Variants in OSBPL8 observed in about 807,000 individuals in gnomAD.
The protein encoded by OSBPL8 is oxysterol binding protein like 8, also known as oxysterol-binding protein-related protein 8.
In OSBPL8, 59 loss-of-function variants were observed where a neutral mutation model predicts 125.5. That is an observed-to-expected ratio of 0.47 (90% CI 0.38 to 0.58). OSBPL8 has a LOEUF of 0.58. OSBPL8 is among the 20% of genes least tolerant of loss of function. The pLI, the probability that OSBPL8 is intolerant of heterozygous loss-of-function variation, is 0.00. For missense variants in OSBPL8, 758 were observed against 1,047.8 expected (o/e 0.72, Z 3.82); for synonymous variants, 330 against 338.9 (o/e 0.97, Z 0.29).
At chr12:76,361,693 A>C (rs1318410193) in intron 21 of OSBPL8, among the ~76,000 whole-genome samples, 1 of 152,196 alleles carries the variant, frequency 6.6e-6, no homozygotes, top group Non-Finnish European at 1.5e-5. Context: ...CCTTTCTTAC[A>C]TGGCAGCAGC....
intron 15 of OSBPL8, among the ~76,000 whole-genome samples, chr12:76,379,325 T>C (rs1348931587): frequency 6.6e-6 from 1 of 152,226 alleles, no homozygotes; most frequent in Non-Finnish European, 1.5e-5. Flanking sequence ...AATACTATGG[T>C]AATTTCTTCT....
intron 21 of OSBPL8, among the ~76,000 whole-genome samples, chr12:76,364,200 C>T (rs976655693): frequency 2.6e-5 from 4 of 152,132 alleles, no homozygotes; most frequent in South Asian, 4.1e-4. Context: ...CACATGCACA[C>T]GTATGTTTAT....
intron 6 of OSBPL8, among the ~76,000 whole-genome samples, chr12:76,400,377 C>G (rs940784819): frequency 5.3e-5 from 8 of 152,156 alleles, no homozygotes; most frequent in Non-Finnish European, 1.2e-4. Flanking sequence ...TGGTGTACCA[C>G]GTTTTCTTTA....
intron 2 of OSBPL8, among the ~76,000 whole-genome samples, chr12:76,466,373 T>C (rs1875442133): frequency 6.6e-6 from 1 of 152,216 alleles, no homozygotes; most frequent in African/African-American, 2.4e-5. Flanking sequence ...GGGAAGTACA[T>C]TTTAAGAATC....
chr12:76,535,876 A>G (rs1260720422), intron 1 of OSBPL8, among the ~76,000 whole-genome samples: 1 of 152,166 alleles, frequency 6.6e-6, no homozygotes, highest in African/African-American at 2.4e-5. Flanking sequence ...ATAGAGTAGG[A>G]AAGGGAAAGA....
At chr12:76,358,617 C>T (rs1235640422) in intron 22 of OSBPL8, 89 bp downstream of exon 22, 5 of 1,153,168 alleles carry the variant, frequency 4.3e-6, no homozygotes, top group Non-Finnish European at 6.4e-6. Context: ...ACTCACATAA[C>T]TTGAGTTAAT....
At chr12:76,416,398 A>G (rs1868671638) in intron 4 of OSBPL8, among the ~76,000 whole-genome samples, 1 of 152,080 alleles carries the variant, frequency 6.6e-6, no homozygotes, top group African/African-American at 2.4e-5. Flanking sequence ...TGTTGGGTAT[A>G]AAGTTCTATA....
intron 1 of OSBPL8, among the ~76,000 whole-genome samples, chr12:76,557,032 C>T (rs1295304926): frequency 6.6e-6 from 1 of 152,190 alleles, no homozygotes. Context: ...AAGATTAAGG[C>T]AGGACCTATG....
At chr12:76,513,130 T>C (rs1241534808) in intron 1 of OSBPL8, among the ~76,000 whole-genome samples, 1 of 152,258 alleles carries the variant, frequency 6.6e-6, no homozygotes, top group African/African-American at 2.4e-5. Context: ...AGTCTTGACT[T>C]CTATTTATAT....
intron 9 of OSBPL8, 61 bp downstream of exon 9, chr12:76,394,584 G>A (rs1036720796): frequency 5.4e-6 from 6 of 1,116,460 alleles, no homozygotes; most frequent in Non-Finnish European, 6.7e-6. Context: ...AATACAAAGT[G>A]GCATTAAAAA....
intron 22 of OSBPL8, 52 bp downstream of exon 22, chr12:76,358,654 G>T: frequency 7.2e-7 from 1 of 1,392,088 alleles, no homozygotes; most frequent in Non-Finnish European, 1.0e-6. Context: ...ATATCAAATT[G>T]TGTAGTAATT....
chr12:76,387,869 C>T (rs1439025257), intron 12 of OSBPL8, among the ~76,000 whole-genome samples: 1 of 152,088 alleles, frequency 6.6e-6, no homozygotes, highest in African/African-American at 2.4e-5. Flanking sequence ...AAAGTCAAAG[C>T]AATATAAAGA....
intron 6 of OSBPL8, among the ~76,000 whole-genome samples, chr12:76,402,096 G>C (rs373780500): frequency 6.6e-6 from 1 of 152,060 alleles, no homozygotes. Context: ...TTTAATATGG[G>C]ATGCAAATAC....
intron 1 of OSBPL8, among the ~76,000 whole-genome samples, chr12:76,554,479 T>C (rs991713804): frequency 4.6e-5 from 7 of 152,336 alleles, no homozygotes; most frequent in South Asian, 2.1e-4. Flanking sequence ...ACCTACTACT[T>C]AACTTCTCTG....
intron 1 of OSBPL8, among the ~76,000 whole-genome samples, chr12:76,513,182 G>C (rs1004220708): frequency 3.3e-5 from 5 of 151,764 alleles, no homozygotes; most frequent in African/African-American, 1.2e-4. Flanking sequence ...ATTTTGGTTC[G>C]TTTGCATTTG....
chr12:76,537,763 G>A (rs1456088966), intron 1 of OSBPL8, among the ~76,000 whole-genome samples: 1 of 152,072 alleles, frequency 6.6e-6, no homozygotes, highest in African/African-American at 2.4e-5. Flanking sequence ...AGAAAAATTA[G>A]CTGGGCATGG....
intron 2 of OSBPL8, among the ~76,000 whole-genome samples, chr12:76,463,258 A>C (rs146051261): frequency 1.4e-4 from 22 of 152,354 alleles, no homozygotes; most frequent in Admixed American, 2.6e-4. Flanking sequence ...ATTTCCAAAT[A>C]GACCAAATGT....
At position 76,355,783 on chromosome 12, in the gene OSBPL8, T is replaced by C. The variant is rs1258751001; in HGVS notation, c.*106A>G. On this transcript the variant is annotated 3_prime_UTR_variant, in exon 24 of 24. Coordinates refer to ENST00000261183, the MANE Select transcript of OSBPL8 (RefSeq NM_020841.5). ...CTCTACATTTATCTCCTAGGTTTTTTTGTTTTCGGAATATTGTGATTTTTA... is the reference window on the plus strand; with the variant it reads ...CTCTACATTTATCTCCTAGGTTTTTCTGTTTTCGGAATATTGTGATTTTTA... 2.0e-5 allele frequency: 25 copies of C among 1,277,436 alleles called. No individual in the cohort carries two copies. The highest frequency in any genetic ancestry group is 2.2e-4 in the Middle Eastern group (1 of 4,552). The allele number at this position is 1,277,436 out of a possible 1,614,324, so 79.1% of individuals were successfully genotyped here.
intron 1 of OSBPL8, among the ~76,000 whole-genome samples, chr12:76,511,723 G>A (rs1881012011): frequency 2.6e-5 from 4 of 152,100 alleles, no homozygotes; most frequent in Admixed American, 2.6e-4. Context: ...AAGCTCTTAA[G>A]CTTAATTAGA....
Sources: allele counts gnomAD v4.1 joint callset (sites outside exome capture counted in the v4.1 genomes callset), GRCh38; gene constraint gnomAD v4.1.1; transcripts MANE v1.5; gene names NCBI Gene and HGNC (gene_info 2026-07-23, HGNC 2026-07-21).